The following MASP1 variants were observed in gnomAD, a reference collection of about 807,000 sequenced individuals.
MASP1 encodes MBL associated serine protease 1.
MASP1 carries 59 observed loss-of-function variants against 77.1 expected under a neutral mutation model. The observed-to-expected ratio is 0.77, with a 90% CI of 0.62 to 0.95. The LOEUF is 0.95. Ranked by LOEUF, MASP1 falls within the 40% of genes least tolerant of loss-of-function variation. MASP1 has a pLI of 0.00. For missense variants in MASP1, 885 were observed against 912.9 expected, an observed-to-expected ratio of 0.97 and a Z score of 0.39; for synonymous variants, 362 against 354.5, an observed-to-expected ratio of 1.02 and a Z score of -0.24.
intron 15 of MASP1, chr3:187,220,300 C>T (rs764581081): frequency 6.3e-7 from 1 of 1,584,632 alleles, no homozygotes; most frequent in Non-Finnish European, 8.6e-7. Context: ...TAAAATGCCC[C>T]TTCCCAGCCC....
chr3:187,287,508 G>C (rs1717961484), intron 1 of MASP1, among the ~76,000 whole-genome samples: 1 of 152,134 alleles, frequency 6.6e-6, no homozygotes, highest in Non-Finnish European at 1.5e-5. Context: ...AAATGTACTT[G>C]GATTTAAGTC....
At chr3:187,271,258 G>A (rs1716496491) in intron 2 of MASP1, among the ~76,000 whole-genome samples, 1 of 152,114 alleles carries the variant, frequency 6.6e-6, no homozygotes, top group Non-Finnish European at 1.5e-5. Flanking sequence ...AGGCTGTTTT[G>A]GATTATCCTT....
rs1415936526 is a variant in MASP1, at chr3:187,234,190, T to C, written c.*1494A>G. 49 of 1,287,040 alleles carry C rather than the reference T, an allele frequency of 3.8e-5. No homozygotes were observed. Among genetic ancestry groups the C allele is most frequent in the Non-Finnish European group, 5.0e-5 (49 of 988,670 alleles). The allele number at this position is 1,287,040 out of a possible 1,614,324, so 79.7% of individuals were successfully genotyped here. A position where few individuals can be genotyped will look rare whatever the true frequency, so the allele number is the denominator to read the frequency against. ...CATATGATATAAAAGATACAAAATA[T>C]AACATCATTTACATGTGCCATTCAT... On this transcript the variant is annotated 3_prime_UTR_variant, in exon 11 of 11. Transcript: ENST00000296280.
At chr3:187,267,152 A>G (rs710471) in intron 2 of MASP1, among the ~76,000 whole-genome samples, 30,649 of 152,150 alleles carry the variant, frequency 0.2, 3,305 homozygotes, top group African/African-American at 0.27. Context: ...CTCATGATAA[A>G]TGAATCTAGT....
exon 14 of MASP1, chr3:187,223,138 T>G: frequency 6.2e-7 from 1 of 1,613,980 alleles, no homozygotes; most frequent in Non-Finnish European, 8.5e-7. Context: ...TCCATCAGGG[T>G]CTCTGGGAAC....
intron 4 of MASP1, 74 bp from the exon 5 acceptor site, chr3:187,256,934 A>G (rs1411579266): frequency 1.1e-5 from 15 of 1,354,504 alleles, no homozygotes; most frequent in Non-Finnish European, 1.5e-5. Context: ...CTGTTACTAT[A>G]TGATTTTCCC....
chr3:187,257,649 T>C (rs572947642), intron 4 of MASP1, among the ~76,000 whole-genome samples: 1 of 152,296 alleles, frequency 6.6e-6, no homozygotes, highest in African/African-American at 2.4e-5. Context: ...CCTCCCAAAG[T>C]GCTGAGATTA....
At chr3:187,247,207 C>T in intron 8 of MASP1, 1 of 1,573,184 alleles carries the variant, frequency 6.4e-7, no homozygotes, top group Non-Finnish European at 8.7e-7. Flanking sequence ...GTTCAGCACC[C>T]ATTCTAATCC....
intron 2 of MASP1, among the ~76,000 whole-genome samples, chr3:187,275,512 G>A (rs77096375): frequency 0.091 from 13,787 of 152,090 alleles, 648 homozygotes; most frequent in South Asian, 0.12. Flanking sequence ...TGCTGGAGCC[G>A]GCAGCTCACA....
intron 5 of MASP1, among the ~76,000 whole-genome samples, chr3:187,255,008 C>A (rs983475758): frequency 3.9e-5 from 6 of 152,202 alleles, no homozygotes; most frequent in Non-Finnish European, 8.8e-5. Flanking sequence ...AGGCAGAATT[C>A]TAGGGTGGTC....
intron 6 of MASP1, 83 bp from the exon 7 acceptor site, chr3:187,251,835 G>T: frequency 9.8e-7 from 1 of 1,021,160 alleles, no homozygotes. Context: ...AGCAAGGCCT[G>T]ATGAAGGTGA....
chr3:187,285,801 G>A (rs370236119), intron 2 of MASP1, 24 bp downstream of exon 2: 161 of 1,574,916 alleles, frequency 1.0e-4, no homozygotes, highest in Non-Finnish European at 1.3e-4. Flanking sequence ...GCCTGGCCCA[G>A]TTAGGGGACA....
intron 9 of MASP1, chr3:187,243,093 ACCCC>A: frequency 3.2e-6 from 1 of 312,814 alleles, no homozygotes; most frequent in Non-Finnish European, 6.1e-6. Flanking sequence ...TTTTTTGGAA[ACCCC>A]AACTCAGCCT....
intron 1 of MASP1, among the ~76,000 whole-genome samples, chr3:187,288,048 A>G (rs1365443145): frequency 2.6e-5 from 4 of 152,222 alleles, no homozygotes; most frequent in Non-Finnish European, 5.9e-5. Flanking sequence ...ATTTTTGTGC[A>G]TATAAAATGT....
intron 10 of MASP1, among the ~76,000 whole-genome samples, chr3:187,239,426 G>T (rs1293758659): frequency 6.6e-6 from 1 of 152,180 alleles, no homozygotes; most frequent in African/African-American, 2.4e-5. Context: ...CCCAGACCCA[G>T]AGATATGAAA....
intron 4 of MASP1, among the ~76,000 whole-genome samples, chr3:187,259,601 C>T (rs1715387328): frequency 6.6e-6 from 1 of 151,998 alleles, no homozygotes; most frequent in Non-Finnish European, 1.5e-5. Flanking sequence ...ATTCTTGGCC[C>T]TGACTGTACT....
chr3:187,245,834 A>G (rs1351767383), intron 8 of MASP1, among the ~76,000 whole-genome samples: 1 of 152,162 alleles, frequency 6.6e-6, no homozygotes, highest in East Asian at 1.9e-4. Flanking sequence ...CCCTATCTCC[A>G]TGGTAATTTC....
rs1713061119 is a variant in MASP1, at chr3:187,235,386, G to T, written c.*298C>A. On this transcript the variant is annotated 3_prime_UTR_variant, in exon 11 of 11. Coordinates refer to ENST00000296280, the MANE Select transcript of MASP1 (RefSeq NM_139125.4). The stretch of plus-strand genomic sequence containing the variant: ...GGGGTAAGAAGCATGGCCTGGAAAG[G>T]AGTGCTGGGATTGGCACAGAGGCCT... 6.9e-7 allele frequency: 1 copy of T among 1,449,678 alleles called. No individual in the cohort carries two copies. The highest frequency in any genetic ancestry group is 2.1e-5 in the Admixed American group (1 of 48,276). The allele number at this position is 1,449,678 out of a possible 1,614,324, so 89.8% of individuals were successfully genotyped here. A position where few individuals can be genotyped will look rare whatever the true frequency, so the allele number is the denominator to read the frequency against.
intron 2 of MASP1, among the ~76,000 whole-genome samples, chr3:187,270,002 G>T (rs948423023): frequency 2.0e-5 from 3 of 152,156 alleles, no homozygotes; most frequent in Admixed American, 2.0e-4. Context: ...CAAAGGACAA[G>T]AATTATTTTG....
Sources: gnomAD v4.1 joint callset for allele counts (sites outside exome capture counted in the v4.1 genomes callset) on GRCh38, gnomAD v4.1.1 for gene constraint, MANE v1.5 for transcripts, NCBI Gene and HGNC (gene_info 2026-07-23, HGNC 2026-07-21) for gene names.